METTL15: variants seen among roughly 807,000 people sequenced by gnomAD.
METTL15 encodes the protein methyltransferase 15, mitochondrial 12S rRNA N4-cytidine, also known as 12S rRNA N(4)-cytidine methyltransferase METTL15.
Under a neutral mutation model 38.3 loss-of-function variants are expected in METTL15, and 34 were observed. That is an observed-to-expected ratio of 0.89 (90% CI 0.68 to 1.18). The LOEUF (loss-of-function observed/expected upper bound fraction) is 1.18, where lower values mean the gene tolerates loss of function less well. Ranked by LOEUF, METTL15 falls within the 50% of genes most tolerant of loss-of-function variation. The pLI, the probability that METTL15 is intolerant of heterozygous loss-of-function variation, is 0.00. For synonymous variants in METTL15, 162 were observed against 170.9 expected (o/e 0.95, Z 0.41); for missense variants, 438 against 498.4 (o/e 0.88, Z 1.15).
chr11:28,228,239 G>A (rs1853557672), intron 4 of METTL15, among the ~76,000 whole-genome samples: 1 of 151,838 alleles, frequency 6.6e-6, no homozygotes, highest in Admixed American at 6.6e-5. Context: ...ATCTGCTTTA[G>A]TATCTGACTG....
chr11:28,307,335 A>G (rs542855277), intron 6 of METTL15, among the ~76,000 whole-genome samples: 1 of 152,086 alleles, frequency 6.6e-6, no homozygotes, highest in South Asian at 2.1e-4. Flanking sequence ...TCATTGGTGC[A>G]TCATCAAAAC....
At chr11:28,358,898 T>G (rs1850112125) in intron 4 of METTL15, among the ~76,000 whole-genome samples, 1 of 152,210 alleles carries the variant, frequency 6.6e-6, no homozygotes, top group Non-Finnish European at 1.5e-5. Context: ...AGTTTTAAAT[T>G]TACCTGCATA....
chr11:28,471,835 A>G (rs1474587709), intron 6 of METTL15, among the ~76,000 whole-genome samples: 1 of 152,150 alleles, frequency 6.6e-6, no homozygotes, highest in East Asian at 1.9e-4. Flanking sequence ...ATCATAGAAA[A>G]AGAACTGGCT....
intron 3 of METTL15, among the ~76,000 whole-genome samples, chr11:28,134,182 C>T (rs1252836591): frequency 2.0e-5 from 3 of 152,096 alleles, no homozygotes; most frequent in Non-Finnish European, 4.4e-5. Flanking sequence ...GAAGAAATAG[C>T]CACGTGGACA....
chr11:28,390,435 C>T (rs1850491174), intron 5 of METTL15, among the ~76,000 whole-genome samples: 1 of 152,016 alleles, frequency 6.6e-6, no homozygotes, highest in South Asian at 2.1e-4. Context: ...CCAGTTTCAG[C>T]TTTCTACATA....
In METTL15 at chr11:28,486,566, G is replaced by T. The variant is rs565711187; in HGVS notation, c.*425-39912G>T. On this transcript the variant is annotated intron_variant and NMD_transcript_variant, in intron 6 of 7. Coordinates refer to the METTL15 transcript ENST00000532947. ...TGTTTAGCCTGATGCTGCCAGGATT[G>T]TTAATAAAGCCTGCGCCTCTCTAGT... is the stretch of plus-strand genomic sequence containing the variant. Among the ~76,000 whole-genome samples, 8 of 152,224 alleles carry T rather than the reference G, an allele frequency of 5.3e-5. 1 individual carries two copies. In the South Asian group the frequency reaches 1.7e-3, roughly 32 times the overall value.
At chr11:28,409,526 A>T (rs1325245934) in intron 5 of METTL15, among the ~76,000 whole-genome samples, 2 of 152,150 alleles carry the variant, frequency 1.3e-5, no homozygotes, top group Non-Finnish European at 2.9e-5. Context: ...GCTCCTGAAC[A>T]ACAAATGGAT....
At chr11:28,199,030 C>G (rs1405564945) in intron 3 of METTL15, among the ~76,000 whole-genome samples, 1 of 151,368 alleles carries the variant, frequency 6.6e-6, no homozygotes, top group South Asian at 2.1e-4. Context: ...CTAGCTCATC[C>G]CTCTCTTAAC....
intron 6 of METTL15, among the ~76,000 whole-genome samples, chr11:28,493,275 A>G (rs1851511671): frequency 6.6e-6 from 1 of 152,132 alleles, no homozygotes; most frequent in Admixed American, 6.5e-5. Context: ...GGACAGAATC[A>G]GGAGTGAGCC....
At chr11:28,452,546 A>G (rs951745984) in intron 6 of METTL15, among the ~76,000 whole-genome samples, 2 of 152,194 alleles carry the variant, frequency 1.3e-5, no homozygotes, top group Admixed American at 1.3e-4. Context: ...ATGTTTGCAG[A>G]CATAAGGTAG....
chr11:28,510,840 G>A (rs1160927773), intron 6 of METTL15, among the ~76,000 whole-genome samples: 3 of 152,178 alleles, frequency 2.0e-5, no homozygotes, highest in African/African-American at 7.2e-5. Context: ...GAAGGTTTCA[G>A]AGTGCATAAT....
intron 3 of METTL15, among the ~76,000 whole-genome samples, chr11:28,172,426 G>T (rs551634477): frequency 6.6e-6 from 1 of 152,068 alleles, no homozygotes; most frequent in Non-Finnish European, 1.5e-5. Flanking sequence ...CTATAGCTCA[G>T]GTTACTAATT....
chr11:28,224,651 T>C (rs2133871153), intron 4 of METTL15, among the ~76,000 whole-genome samples: 1 of 151,930 alleles, frequency 6.6e-6, no homozygotes, highest in South Asian at 2.1e-4. Context: ...ATTTTATTGG[T>C]TGTAGGGTAT....
At chr11:28,187,154 A>G (rs1851526386) in intron 3 of METTL15, among the ~76,000 whole-genome samples, 1 of 151,306 alleles carries the variant, frequency 6.6e-6, no homozygotes, top group East Asian at 1.9e-4. Context: ...ATTAGTAAAT[A>G]TAAAATTAAC....
intron 6 of METTL15, chr11:28,327,459 C>T (rs1849675349): frequency 6.6e-6 from 1 of 152,240 alleles, no homozygotes; most frequent in Admixed American, 6.5e-5. Flanking sequence ...AATTTGTCAG[C>T]TGCAGATTCA....
chr11:28,124,367 C>CA (rs775394036), intron 3 of METTL15, among the ~76,000 whole-genome samples: 41 of 152,060 alleles, frequency 2.7e-4, no homozygotes, highest in Non-Finnish European at 5.1e-4. Flanking sequence ...ATTTGGAGCA[C>CA]GTTATGCTGT....
intron 6 of METTL15, among the ~76,000 whole-genome samples, chr11:28,447,638 A>G (rs1436235797): frequency 1.3e-5 from 2 of 151,920 alleles, no homozygotes; most frequent in Non-Finnish European, 2.9e-5. Flanking sequence ...CTTGTTTTAC[A>G]TTGTGAGTCT....
At position 28,482,276 on chromosome 11, in the gene METTL15, T is replaced by G. The variant is rs556396080; in HGVS notation, c.*425-44202T>G. ...TAAGCAATTTATAGCCAACTCATTA[T>G]GCCTATTTGGAGATTGAAAAGCATA... On this transcript the variant is annotated intron_variant and NMD_transcript_variant, in intron 6 of 7. Coordinates refer to the METTL15 transcript ENST00000532947. Among the ~76,000 whole-genome samples the G allele has an allele frequency of 8.9e-4, 136 of 152,346 alleles. 1 individual carries two copies. Among genetic ancestry groups the G allele is most frequent in the Middle Eastern group, 6.8e-3 (2 of 294 alleles).
chr11:28,343,554 G>A (rs529896049), intron 3 of METTL15, among the ~76,000 whole-genome samples: 1 of 152,296 alleles, frequency 6.6e-6, no homozygotes, highest in South Asian at 2.1e-4. Flanking sequence ...CTGCAGTCCT[G>A]CATGCAGTCT....
Sources: allele counts gnomAD v4.1 joint callset (sites outside exome capture counted in the v4.1 genomes callset), GRCh38; gene constraint gnomAD v4.1.1; transcripts MANE v1.5; gene names NCBI Gene and HGNC (gene_info 2026-07-23, HGNC 2026-07-21).